Variants in SMIM36 observed in about 807,000 individuals in gnomAD.
SMIM36 encodes the protein small integral membrane protein 36.
intron 1 of SMIM36, among the ~76,000 whole-genome samples, chr17:55,482,896 A>G (rs1005836883): frequency 2.0e-5 from 3 of 152,226 alleles, no homozygotes; most frequent in Non-Finnish European, 4.4e-5. Context: ...GTCATTGAAC[A>G]TTGTAATGCA....
chr17:55,451,129 C>T (rs188608960), intron 4 of SMIM36, among the ~76,000 whole-genome samples: 8 of 152,342 alleles, frequency 5.3e-5, no homozygotes, highest in Admixed American at 5.2e-4. Context: ...TCATAATCCG[C>T]TCTCCTCAGC....
intron 1 of SMIM36, among the ~76,000 whole-genome samples, chr17:55,486,529 C>T (rs529568035): frequency 6.7e-4 from 102 of 152,304 alleles, no homozygotes; most frequent in African/African-American, 2.4e-3. Context: ...GAATGAAGCT[C>T]CACATGCCCA....
chr17:55,513,292 G>T (rs780989517), upstream of SMIM36, among the ~76,000 whole-genome samples: 2 of 152,126 alleles, frequency 1.3e-5, no homozygotes, highest in Non-Finnish European at 2.9e-5. Context: ...GCCAATATGC[G>T]GTCACCAGGG....
the SMIM36 span, among the ~76,000 whole-genome samples, chr17:55,520,556 G>T: frequency 6.6e-6 from 1 of 152,164 alleles, no homozygotes; most frequent in Non-Finnish European, 1.5e-5. Context: ...AACTGAGATG[G>T]TCACTGAGTG....
intron 4 of SMIM36, among the ~76,000 whole-genome samples, chr17:55,464,005 C>A (rs936065524): frequency 6.6e-6 from 1 of 151,964 alleles, no homozygotes; most frequent in Admixed American, 6.6e-5. Context: ...ATCCTAGCTA[C>A]TCGAGAGGCT....
chr17:55,487,624 TG>T (rs1468213174), intron 1 of SMIM36, among the ~76,000 whole-genome samples: 1 of 152,124 alleles, frequency 6.6e-6, no homozygotes, highest in Non-Finnish European at 1.5e-5. Flanking sequence ...CTTGAATATA[TG>T]GGTGGGGGCC....
chr17:55,487,833 A>AC (rs1660761335), intron 1 of SMIM36, among the ~76,000 whole-genome samples: 1 of 152,084 alleles, frequency 6.6e-6, no homozygotes, highest in Non-Finnish European at 1.5e-5. Flanking sequence ...CAAGGCTGAG[A>AC]CCCCTTGCAG....
intron 1 of SMIM36, among the ~76,000 whole-genome samples, chr17:55,497,003 C>G (rs189784166): frequency 1.3e-5 from 2 of 152,264 alleles, no homozygotes; most frequent in Admixed American, 1.3e-4. Flanking sequence ...CACTAAGTGG[C>G]TTTTGAAGTG....
At chr17:55,472,880 AAG>A (rs1491084610) in intron 3 of SMIM36, among the ~76,000 whole-genome samples, 3,309 of 139,088 alleles carry the variant, frequency 0.024, 129 homozygotes, top group African/African-American at 0.075. Flanking sequence ...AAAAAAAAAA[AAG>A]AAAAGAAAAG....
intron 4 of SMIM36, among the ~76,000 whole-genome samples, chr17:55,466,400 G>A (rs1773106525): frequency 6.6e-6 from 1 of 152,124 alleles, no homozygotes; most frequent in Non-Finnish European, 1.5e-5. Flanking sequence ...TAGGGCCAGC[G>A]TATGGAGAAA....
chr17:55,495,600 C>A (rs1038738373), intron 1 of SMIM36, among the ~76,000 whole-genome samples: 1 of 151,356 alleles, frequency 6.6e-6, no homozygotes. Context: ...CAAGCCTGGG[C>A]AACATAGTGA....
intron 1 of SMIM36, among the ~76,000 whole-genome samples, chr17:55,499,251 C>A (rs192779427): frequency 6.6e-6 from 1 of 152,160 alleles, no homozygotes; most frequent in Non-Finnish European, 1.5e-5. Context: ...CAGATGCTTA[C>A]GGAGCAACTT....
intron 4 of SMIM36, among the ~76,000 whole-genome samples, chr17:55,455,312 C>T (rs1005392194): frequency 4.6e-5 from 7 of 152,008 alleles, no homozygotes; most frequent in African/African-American, 1.5e-4. Flanking sequence ...AGGATTGCCA[C>T]CTATCTCTCT....
chr17:55,525,710 T>C, the SMIM36 span, among the ~76,000 whole-genome samples: 1 of 152,168 alleles, frequency 6.6e-6, no homozygotes, highest in Non-Finnish European at 1.5e-5. Flanking sequence ...CAGGCTGCAG[T>C]GCAGTGGCGT....
chr17:55,514,914 G>T (rs868755800), upstream of SMIM36, among the ~76,000 whole-genome samples: 11 of 152,128 alleles, frequency 7.2e-5, no homozygotes, highest in African/African-American at 2.2e-4. Flanking sequence ...CCTTAGAGAA[G>T]TGTCAACTTC....
At chr17:55,457,291 T>C (rs1019619540) in intron 4 of SMIM36, among the ~76,000 whole-genome samples, 4 of 150,946 alleles carry the variant, frequency 2.6e-5, no homozygotes, top group African/African-American at 9.7e-5. Context: ...CTACTAAAAA[T>C]ACAAAAAAAA....
chr17:55,492,242 C>CTTTTTTT (rs770501215), intron 1 of SMIM36, among the ~76,000 whole-genome samples: 27 of 111,286 alleles, frequency 2.4e-4, no homozygotes, highest in African/African-American at 5.6e-4. Flanking sequence ...TTCTTTCTTT[C>CTTTTTTT]TTTTTTTTTT....
intron 3 of SMIM36, among the ~76,000 whole-genome samples, chr17:55,467,697 A>C (rs1400067378): frequency 6.6e-6 from 1 of 152,056 alleles, no homozygotes; most frequent in Non-Finnish European, 1.5e-5. Context: ...CACTCGGCCA[A>C]CCATATTTTT....
intron 4 of SMIM36, among the ~76,000 whole-genome samples, chr17:55,464,301 A>G (rs1035823369): frequency 6.6e-6 from 1 of 152,202 alleles, no homozygotes; most frequent in Non-Finnish European, 1.5e-5. Context: ...TGTGATGGAC[A>G]GTTAATGAAC....
Sources: allele counts gnomAD v4.1 joint callset (sites outside exome capture counted in the v4.1 genomes callset), GRCh38; gene constraint gnomAD v4.1.1; transcripts MANE v1.5; gene names NCBI Gene and HGNC (gene_info 2026-07-23, HGNC 2026-07-21).